Variants in SAV1 observed in about 807,000 individuals in gnomAD.
The protein encoded by SAV1 is protein salvador homolog 1.
SAV1 carries 23 observed loss-of-function variants against 47.3 expected under a neutral mutation model. That is an observed-to-expected ratio of 0.49 (90% CI 0.35 to 0.69). SAV1 has a LOEUF of 0.69. SAV1 is among the 30% of genes least tolerant of loss of function. The pLI is 0.01. For synonymous variants in SAV1, 155 were observed against 159.2 expected, an observed-to-expected ratio of 0.97 and a Z score of 0.20; for missense variants, 448 against 457.4, an observed-to-expected ratio of 0.98 and a Z score of 0.19.
intron 2 of SAV1, among the ~76,000 whole-genome samples, chr14:50,646,076 C>G (rs755634975): frequency 6.6e-6 from 1 of 152,128 alleles, no homozygotes; most frequent in African/African-American, 2.4e-5. Context: ...GGAGTCCCCC[C>G]CTTATCCATG....
At chr14:50,663,829 A>G (rs2039879451) in intron 2 of SAV1, among the ~76,000 whole-genome samples, 1 of 152,246 alleles carries the variant, frequency 6.6e-6, no homozygotes, top group Admixed American at 6.5e-5. Context: ...AAGAGCTTCC[A>G]CTTGACTCAA....
At chr14:50,665,683 G>T in intron 1 of SAV1, 64 bp from the exon 2 acceptor site, 1 of 1,360,954 alleles carries the variant, frequency 7.3e-7, no homozygotes, top group Non-Finnish European at 9.9e-7. Context: ...TTCGAAATTT[G>T]TTCATTTATG....
chr14:50,650,434 T>C (rs1217644761), intron 2 of SAV1, among the ~76,000 whole-genome samples: 1 of 152,194 alleles, frequency 6.6e-6, no homozygotes, highest in Non-Finnish European at 1.5e-5. Flanking sequence ...CATATATACA[T>C]ATATGTAGTA....
chr14:50,651,108 T>G lies in SAV1; in HGVS notation c.536-6094A>C, dbSNP rs185802673. 4.0e-3 allele frequency among the ~76,000 whole-genome samples: 602 copies of G among 151,764 alleles called. 3 individuals carry two copies. Among genetic ancestry groups the G allele is most frequent in the South Asian group, 0.021 (102 of 4,804 alleles). The stretch of plus-strand genomic sequence containing the variant: ...GCAGCCCCAGCTGACGTGTGTGAAC[T>G]CCAACTTCATGAGAGATCCTGAGTC... On this transcript the variant is annotated intron_variant, in intron 2 of 4. Coordinates refer to ENST00000324679, the MANE Select transcript of SAV1 (RefSeq NM_021818.4).
In SAV1 at chr14:50,635,079, C is replaced by T. The variant is rs1253571073; in HGVS notation, c.*104G>A. On this transcript the variant is annotated 3_prime_UTR_variant, in exon 5 of 5. Coordinates refer to ENST00000324679, the MANE Select transcript of SAV1 (RefSeq NM_021818.4). ...ATGTAAAGTTAGAATTTTATAATTT[C>T]CACAAAGGAAGCAGCATTTATTAAC... 1.0e-5 allele frequency: 8 copies of T among 765,136 alleles called. No individual in the cohort carries two copies. In the Admixed American group the frequency reaches 1.7e-4, roughly 16 times the overall value. The allele number at this position is 765,136 out of a possible 1,614,324, so 47.4% of individuals were successfully genotyped here.
At chr14:50,641,848 A>G (rs1267232227) in intron 3 of SAV1, among the ~76,000 whole-genome samples, 1 of 152,228 alleles carries the variant, frequency 6.6e-6, no homozygotes. Flanking sequence ...CAGCAGTCCC[A>G]TTAATGGGAC....
intron 2 of SAV1, among the ~76,000 whole-genome samples, chr14:50,652,925 G>A (rs965339889): frequency 2.6e-5 from 4 of 152,174 alleles, no homozygotes. Flanking sequence ...CAGCTATTCA[G>A]GAGGCTGAGG....
At chr14:50,664,693 T>G (rs1221044717) in intron 2 of SAV1, 1 of 152,380 alleles carries the variant, frequency 6.6e-6, no homozygotes, top group African/African-American at 2.4e-5. Context: ...TTGAACTACT[T>G]TTTGTTGAGA....
intron 2 of SAV1, among the ~76,000 whole-genome samples, chr14:50,659,839 G>A (rs990129265): frequency 5.9e-5 from 9 of 152,146 alleles, no homozygotes; most frequent in Non-Finnish European, 1.0e-4. Context: ...GCAAGATCCT[G>A]TCTCAAAAAA....
rs1274931320 is a variant in SAV1 at position 50,635,106 on chromosome 14, A to C, written c.*77T>G. On this transcript the variant is annotated 3_prime_UTR_variant, in exon 5 of 5. Transcript: ENST00000324679. ...ACAAAGGAAGCAGCATTTATTAACCAGAGTACTTGTTTGCAATTTTTTATC... is the reference window on the plus strand; with the variant it reads ...ACAAAGGAAGCAGCATTTATTAACCCGAGTACTTGTTTGCAATTTTTTATC... 2.1e-6 allele frequency: 2 copies of C among 963,928 alleles called. No homozygotes were observed. Among genetic ancestry groups the C allele is most frequent in the Non-Finnish European group, 3.2e-6 (2 of 618,942 alleles). 59.7% of individuals were successfully genotyped at this position (963,928 alleles called of 1,614,324 possible). A position where few individuals can be genotyped will look rare whatever the true frequency, so the allele number is the denominator to read the frequency against.
At chr14:50,643,543 A>G (rs1196815679) in intron 3 of SAV1, among the ~76,000 whole-genome samples, 2 of 152,182 alleles carry the variant, frequency 1.3e-5, no homozygotes, top group African/African-American at 2.4e-5. Context: ...CCCTTGATAC[A>G]TGGGGATTAC....
intron 2 of SAV1, among the ~76,000 whole-genome samples, chr14:50,662,277 T>C (rs1223443592): frequency 6.6e-6 from 1 of 152,220 alleles, no homozygotes; most frequent in Non-Finnish European, 1.5e-5. Flanking sequence ...CACACCATTC[T>C]CCTGCCTCAG....
At position 50,665,301 on chromosome 14, in the gene SAV1, T is replaced by A. The variant is rs147651895; in HGVS notation, c.413A>T (p.Asn138Ile). The A allele has an allele frequency of 2.6e-5, 42 of 1,613,658 alleles. No individual in the cohort carries two copies. The highest frequency in any genetic ancestry group is 3.1e-5 in the Non-Finnish European group (37 of 1,179,808). ...DSGSRYYYSD[N>I]FFDGQRKRPL... is the part of the protein sequence containing the mutation. Reference sequence around the variant, plus strand: ...CCGCTTTCTCTGACCATCAAAAAAATTGTCTGAATAATAATATCGGGAACC... The same window carrying A: ...CCGCTTTCTCTGACCATCAAAAAAAATGTCTGAATAATAATATCGGGAACC... The change falls in exon 2 of 5, where the codon AAT becomes ATT. Residue 138 changes from asparagine (N) to isoleucine (I), a missense_variant. Transcript: ENST00000324679.
rs188731122 is a variant in SAV1 at position 50,656,498 on chromosome 14, G to A, written c.535+8681C>T. 3.1e-4 allele frequency among the ~76,000 whole-genome samples: 46 copies of A among 148,880 alleles called. 1 individual carries two copies. Among genetic ancestry groups the A allele is most frequent in the Admixed American group, 2.3e-3 (35 of 14,922 alleles). On this transcript the variant is annotated intron_variant, in intron 2 of 4. Coordinates refer to ENST00000324679, the MANE Select transcript of SAV1 (RefSeq NM_021818.4). The stretch of plus-strand genomic sequence containing the variant: ...ACTCTTGTCGCCCAGGTTGGAGTGC[G>A]GTGGCGCGATCTCCGCTCACTGCAA...
intron 2 of SAV1, among the ~76,000 whole-genome samples, chr14:50,653,910 T>A (rs2039791208): frequency 6.6e-6 from 1 of 152,098 alleles, no homozygotes; most frequent in African/African-American, 2.4e-5. Context: ...TTGCAGTCTA[T>A]TAAGTGTGCA....
rs5010691 is a variant in SAV1 at position 50,644,846 on chromosome 14, C to T, written c.704G>A (p.Gly235Glu). ...THWSHPLERE[G>E]LPPGWERVES... ...AACTCGTTCCCATCCAGGAGGAAGT[C>T]CTTCTCGCTCAAGAGGATGGCTCCA... Residue 235 changes from glycine (G) to glutamate (E), a missense_variant, in exon 3 of 5, where the codon GGA becomes GAA. Gly to Glu is a moderately conservative substitution (Grantham distance 98). Coordinates refer to ENST00000324679, the MANE Select transcript of SAV1 (RefSeq NM_021818.4). 1.2e-6 allele frequency: 2 copies of T among 1,614,038 alleles called. No homozygotes were observed. The highest frequency in any genetic ancestry group is 1.3e-5 in the African/African-American group (1 of 74,936).
chr14:50,648,821 C>T (rs1240673093), intron 2 of SAV1, among the ~76,000 whole-genome samples: 1 of 152,094 alleles, frequency 6.6e-6, no homozygotes, highest in Non-Finnish European at 1.5e-5. Context: ...ACAAATCACC[C>T]CGAAACTCAG....
Position 50,635,025 on chromosome 14 carries a change from A to T in SAV1, c.*158T>A. 1 of 624,840 alleles carries T rather than the reference A, an allele frequency of 1.6e-6. No individual in the cohort carries two copies. Among genetic ancestry groups the T allele is most frequent in the South Asian group, 2.1e-5 (1 of 47,652 alleles). 38.7% of individuals were successfully genotyped at this position (624,840 alleles called of 1,614,324 possible). On this transcript the variant is annotated 3_prime_UTR_variant, in exon 5 of 5. Coordinates refer to ENST00000324679, the MANE Select transcript of SAV1 (RefSeq NM_021818.4). The stretch of plus-strand genomic sequence containing the variant: ...ATGATAGACTAATTTTTCTCATTCA[A>T]TAAAAGAAAATTTCTAATAACAAAA...
chr14:50,661,609 G>A (rs1302470317), intron 2 of SAV1, among the ~76,000 whole-genome samples: 1 of 152,126 alleles, frequency 6.6e-6, no homozygotes, highest in East Asian at 1.9e-4. Flanking sequence ...AGTTGAATTT[G>A]CATATGGTGA....
Sources: gnomAD v4.1 joint callset for allele counts (sites outside exome capture counted in the v4.1 genomes callset) on GRCh38, gnomAD v4.1.1 for gene constraint, MANE v1.5 for transcripts, NCBI Gene and HGNC (gene_info 2026-07-23, HGNC 2026-07-21) for gene names.